The following RNF157 variants were observed in gnomAD, a reference collection of about 807,000 sequenced individuals.
RNF157 encodes E3 ubiquitin ligase RNF157.
In RNF157, 55 loss-of-function variants were observed where a neutral mutation model predicts 88.3. The observed-to-expected ratio is 0.62, with a 90% CI of 0.50 to 0.78. The LOEUF is 0.78. RNF157 is among the 30% of genes least tolerant of loss of function. The probability of loss-of-function intolerance (pLI) is 0.00; values close to 1 mark genes in which losing one functional copy is unlikely to be tolerated. For synonymous variants in RNF157, 334 were observed against 341.2 expected, an observed-to-expected ratio of 0.98 and a Z score of 0.23; for missense variants, 788 against 860.8, an observed-to-expected ratio of 0.92 and a Z score of 1.06.
At chr17:76,235,604 CTTA>C (rs2145089028) in intron 1 of RNF157, among the ~76,000 whole-genome samples, 1 of 152,264 alleles carries the variant, frequency 6.6e-6, no homozygotes, top group African/African-American at 2.4e-5. Context: ...TCGACAAAGA[CTTA>C]TTATCCATGC....
At chr17:76,191,743 C>T (rs962921159) in intron 2 of RNF157, among the ~76,000 whole-genome samples, 1 of 152,086 alleles carries the variant, frequency 6.6e-6, no homozygotes, top group Non-Finnish European at 1.5e-5. Context: ...CACTGCACTT[C>T]AGCCTGGGTG....
chr17:76,148,413 C>A (rs1418156599), intron 18 of RNF157, among the ~76,000 whole-genome samples: 1 of 151,618 alleles, frequency 6.6e-6, no homozygotes, highest in Non-Finnish European at 1.5e-5. Flanking sequence ...ACTACAGGCA[C>A]TCGCCACCAC....
chr17:76,151,238 C>T (rs910264933), intron 18 of RNF157, among the ~76,000 whole-genome samples: 1 of 152,228 alleles, frequency 6.6e-6, no homozygotes, highest in African/African-American at 2.4e-5. Flanking sequence ...TGGGCAGTGT[C>T]TTTAGAACAA....
chr17:76,181,926 GAATA>G (rs1052367229), intron 2 of RNF157, among the ~76,000 whole-genome samples: 77 of 139,086 alleles, frequency 5.5e-4, no homozygotes, highest in African/African-American at 1.8e-3. Flanking sequence ...AAAAAAAAAA[GAATA>G]AATAAATAAA....
chr17:76,240,086 G>T lies in RNF157; in HGVS notation c.88+67C>A. 9.8e-7 allele frequency: 1 copy of T among 1,023,104 alleles called. No individual in the cohort carries two copies. 63.4% of individuals were successfully genotyped at this position (1,023,104 alleles called of 1,614,324 possible). A position where few individuals can be genotyped will look rare whatever the true frequency, so the allele number is the denominator to read the frequency against. On this transcript the variant is annotated intron_variant, in intron 1 of 18. Coordinates refer to ENST00000269391, the MANE Select transcript of RNF157 (RefSeq NM_052916.3). This position sits in a 1 kb window ranked among gnomAD's most constrained non-coding sequence, Gnocchi z 4.4. ...AAGACCCGCGGGGCCCCCTCAGGCC[G>T]TCCCGACCCAGACCCCTGCCCCTGC...
At chr17:76,226,458 C>T (rs2070087883) in intron 1 of RNF157, 2 of 1,604,392 alleles carry the variant, frequency 1.2e-6, no homozygotes, top group Non-Finnish European at 1.7e-6. Context: ...CAAGTGTCAT[C>T]CAACGTGGTC....
rs532739758 is a variant in RNF157 at position 76,213,569 on chromosome 17, C to CAAA, written c.89-1090_89-1088dup. 7.3e-3 allele frequency among the ~76,000 whole-genome samples: 556 copies of CAAA among 76,048 alleles called. 8 individuals carry two copies. The highest frequency in any genetic ancestry group is 0.023 in the African/African-American group (503 of 22,066). 49.9% of individuals were successfully genotyped at this position (76,048 alleles called of 152,430 possible). ...TAGGTGACAGAGCAAAACTCCATCT[C>CAAA]AAAAAAAAAAAAAAAAAATGCTTGG... On this transcript the variant is annotated intron_variant, in intron 1 of 18. Coordinates refer to ENST00000269391, the MANE Select transcript of RNF157 (RefSeq NM_052916.3).
At chr17:76,173,832 A>G in intron 2 of RNF157, 42 bp from the exon 3 acceptor site, 3 of 1,516,458 alleles carry the variant, frequency 2.0e-6, no homozygotes, top group South Asian at 2.3e-5. Flanking sequence ...GTGTTTAAAA[A>G]GACCCACAGC....
chr17:76,165,960 G>A (rs1159726040), intron 6 of RNF157, among the ~76,000 whole-genome samples: 1 of 151,892 alleles, frequency 6.6e-6, no homozygotes. Context: ...TTACAGGGAT[G>A]AGCCACTACG....
chr17:76,206,101 C>T (rs994621614), intron 2 of RNF157, among the ~76,000 whole-genome samples: 11 of 151,638 alleles, frequency 7.3e-5, no homozygotes, highest in African/African-American at 2.2e-4. Flanking sequence ...CATGGTGGGG[C>T]GTGCTTGTAG....
chr17:76,175,275 G>A (rs547968601), intron 2 of RNF157, among the ~76,000 whole-genome samples: 12 of 151,588 alleles, frequency 7.9e-5, no homozygotes, highest in East Asian at 7.7e-4. Flanking sequence ...ACTTTTTTTC[G>A]CAGCTATAAA....
intron 2 of RNF157, among the ~76,000 whole-genome samples, chr17:76,210,601 A>AAAAGAAAG (rs1555660855): frequency 0.013 from 1,962 of 148,212 alleles, 53 homozygotes; most frequent in Non-Finnish European, 0.022. Flanking sequence ...AAAAAAAAAA[A>AAAAGAAAG]AAAGAAAGAA....
rs184276415 is a variant in RNF157 at position 76,183,986 on chromosome 17, T to A, written c.208-10196A>T. The stretch of plus-strand genomic sequence containing the variant: ...GGGCGGGTTGGTTGAGGCCAGGAGT[T>A]TGAGACCAGCCTGGCCAGCATGGTG... On this transcript the variant is annotated intron_variant, in intron 2 of 18. Transcript: ENST00000269391. 8.4e-4 allele frequency among the ~76,000 whole-genome samples: 128 copies of A among 152,176 alleles called. 1 individual carries two copies. The highest frequency in any genetic ancestry group is 2.8e-3 in the African/African-American group (117 of 41,538).
At chr17:76,230,136 C>G (rs951544712) in intron 1 of RNF157, among the ~76,000 whole-genome samples, 6 of 152,274 alleles carry the variant, frequency 3.9e-5, no homozygotes, top group Middle Eastern at 3.4e-3. Flanking sequence ...CAAACTGGAT[C>G]ATGGGAGTCA....
intron 2 of RNF157, among the ~76,000 whole-genome samples, chr17:76,190,170 C>CTT (rs71161273): frequency 0.035 from 4,342 of 123,518 alleles, 108 homozygotes; most frequent in Non-Finnish European, 0.047. Context: ...CTTGCTCTCT[C>CTT]TTTTTTTTTT....
intron 2 of RNF157, among the ~76,000 whole-genome samples, chr17:76,208,318 C>G (rs562447072): frequency 3.4e-4 from 52 of 152,274 alleles, no homozygotes; most frequent in Non-Finnish European, 5.9e-4. Flanking sequence ...CTGAGTACAC[C>G]TGGCCTAATT....
At chr17:76,219,132 A>G (rs2069939268) in intron 1 of RNF157, among the ~76,000 whole-genome samples, 2 of 152,002 alleles carry the variant, frequency 1.3e-5, no homozygotes, top group Admixed American at 6.6e-5. Context: ...AGTTATATCC[A>G]TATTATTCAC....
chr17:76,166,682 G>C (rs544722421), intron 5 of RNF157, among the ~76,000 whole-genome samples, 155 bp from the exon 6 acceptor site: 2 of 152,216 alleles, frequency 1.3e-5, no homozygotes, highest in East Asian at 3.9e-4. Context: ...TGTTAACTGA[G>C]GGCCATCAGC....
rs2069468594 is a variant in RNF157, at chr17:76,195,833, A to G, written c.207+16531T>C. Reference sequence around the variant, plus strand: ...CATCAGACTAAATTGAGCACAAGCTAAAACAGGGACTGGGCAGAAGCAGCT... The same window carrying G: ...CATCAGACTAAATTGAGCACAAGCTGAAACAGGGACTGGGCAGAAGCAGCT... On this transcript the variant is annotated intron_variant, in intron 2 of 18. Coordinates refer to ENST00000269391, the MANE Select transcript of RNF157 (RefSeq NM_052916.3). The surrounding 1 kb of genome is among the most constrained non-coding windows in gnomAD (Gnocchi z 4.4). Among the ~76,000 whole-genome samples, 1 of 152,220 alleles carries G rather than the reference A, an allele frequency of 6.6e-6. No homozygotes were observed. Among genetic ancestry groups the G allele is most frequent in the African/African-American group, 2.4e-5 (1 of 41,458 alleles).
Sources: gnomAD v4.1 joint callset for allele counts (sites outside exome capture counted in the v4.1 genomes callset) on GRCh38, gnomAD v4.1.1 for gene constraint, Gnocchi (gnomAD v3.1) non-coding constraint, MANE v1.5 for transcripts, NCBI Gene and HGNC (gene_info 2026-07-23, HGNC 2026-07-21) for gene names.